The following RNF216 variants were observed in gnomAD, a reference collection of about 807,000 sequenced individuals.
The protein encoded by RNF216 is E3 ubiquitin-protein ligase RNF216.
RNF216 carries 72 observed loss-of-function variants against 110.8 expected under a neutral mutation model. The observed-to-expected ratio is 0.65, with a 90% CI of 0.54 to 0.79. The LOEUF (loss-of-function observed/expected upper bound fraction) is 0.79. Ranked by LOEUF, RNF216 falls within the 30% of genes least tolerant of loss-of-function variation. The pLI is 0.00. For missense variants in RNF216, 1,342 were observed against 1,141.2 expected, an observed-to-expected ratio of 1.18 and a Z score of -2.54; for synonymous variants, 495 against 407.5, an observed-to-expected ratio of 1.21 and a Z score of -2.59.
chr7:5,687,459 G>A (rs760409877), intron 13 of RNF216, among the ~76,000 whole-genome samples: 1 of 151,288 alleles, frequency 6.6e-6, no homozygotes, highest in Non-Finnish European at 1.5e-5. Flanking sequence ...GGGACATGAT[G>A]TGGGATTTTC....
At chr7:5,725,526 A>T in intron 7 of RNF216, 88 bp from the exon 8 acceptor site, 1 of 782,836 alleles carries the variant, frequency 1.3e-6, no homozygotes, top group Non-Finnish European at 2.2e-6. Context: ...ATTTTAACAC[A>T]GTTTCAGCTG....
chr7:5,681,101 C>T (rs139288957), intron 13 of RNF216, among the ~76,000 whole-genome samples: 237 of 152,246 alleles, frequency 1.6e-3, no homozygotes, highest in African/African-American at 5.5e-3. Flanking sequence ...AACAGCTTGT[C>T]CCTGGCTCTT....
intron 13 of RNF216, among the ~76,000 whole-genome samples, chr7:5,706,959 T>C (rs954822003): frequency 2.6e-5 from 4 of 152,236 alleles, no homozygotes; most frequent in African/African-American, 9.6e-5. Context: ...TGATATGAGA[T>C]ATGGTATCAG....
Position 5,725,356 on chromosome 7 carries a change from T to C in RNF216, c.1472A>G (p.Gln491Arg), listed in dbSNP as rs1368916173. The C allele has an allele frequency of 1.2e-6, 2 of 1,612,208 alleles. No individual in the cohort carries two copies. The highest frequency in any genetic ancestry group is 1.1e-5 in the South Asian group (1 of 91,044). The change falls in exon 8 of 17, where the codon CAG becomes CGG. Residue 491 changes from glutamine (Q) to arginine (R), a missense_variant. Gln to Arg is a conservative substitution (Grantham distance 43, BLOSUM62 1). Coordinates refer to ENST00000389902, the MANE Select transcript of RNF216 (RefSeq NM_207111.4). ...AAACTTGAAATCAATGTAAGAATAC[T>C]GGTTCATTTGTTTTCTCTTCTTCCT... ...GKRKKRKQMN[Q>R]YSYIDFKFEQ...
At chr7:5,675,135 G>A (rs569116355) in intron 13 of RNF216, among the ~76,000 whole-genome samples, 1 of 152,272 alleles carries the variant, frequency 6.6e-6, no homozygotes, top group African/African-American at 2.4e-5. Flanking sequence ...TTAAATAATG[G>A]CAGGGAACAA....
At chr7:5,643,878 T>C (rs1162371571) in intron 14 of RNF216, among the ~76,000 whole-genome samples, 3 of 152,316 alleles carry the variant, frequency 2.0e-5, no homozygotes, top group South Asian at 2.1e-4. Flanking sequence ...TTTTGGGCTC[T>C]ACAGATTGCC....
At chr7:5,715,854 G>A (rs556672919) in intron 10 of RNF216, among the ~76,000 whole-genome samples, 62 of 149,010 alleles carry the variant, frequency 4.2e-4, no homozygotes, top group African/African-American at 1.5e-3. Context: ...CGATTCTCCT[G>A]CTTCAGCCTC....
chr7:5,773,690 C>T (rs953643940), intron 1 of RNF216, among the ~76,000 whole-genome samples: 1 of 151,918 alleles, frequency 6.6e-6, no homozygotes, highest in African/African-American at 2.4e-5. Flanking sequence ...GCCTCAGCCT[C>T]CCTGAGTAGC....
rs372711319 is a variant in RNF216 at position 5,730,687 on chromosome 7, G to A, written c.1224+28C>T. ...ACAAAGCACAGCATTTCCAGGCAGT[G>A]ACTGCAAAACATGAACATGACACTT... On this transcript the variant is annotated intron_variant, in intron 6 of 16. Transcript: ENST00000389902. 46 of 1,597,564 alleles carry A rather than the reference G, an allele frequency of 2.9e-5. No individual in the cohort carries two copies. In the African/African-American group the frequency reaches 5.2e-4, roughly 18 times the overall value.
chr7:5,706,884 G>A (rs59495898), intron 13 of RNF216, among the ~76,000 whole-genome samples: 1 of 152,246 alleles, frequency 6.6e-6, no homozygotes, highest in East Asian at 1.9e-4. Flanking sequence ...TTTTCTTCTA[G>A]TTTTTATAGT....
At chr7:5,660,632 T>C (rs985112812) in intron 13 of RNF216, among the ~76,000 whole-genome samples, 2 of 150,482 alleles carry the variant, frequency 1.3e-5, no homozygotes, top group South Asian at 2.1e-4. Context: ...GGTTGGAGTG[T>C]AGTGGCACAA....
intron 1 of RNF216, among the ~76,000 whole-genome samples, chr7:5,763,589 T>C (rs1796042100): frequency 6.6e-6 from 1 of 152,000 alleles, no homozygotes. Context: ...TTATTTCTTT[T>C]TGAGCCAGTC....
At chr7:5,661,631 C>T (rs1387903109) in intron 13 of RNF216, among the ~76,000 whole-genome samples, 1 of 152,044 alleles carries the variant, frequency 6.6e-6, no homozygotes, top group African/African-American at 2.4e-5. Context: ...GGTGACATCT[C>T]GTCTCTACAA....
chr7:5,711,361 C>A (rs755046862), intron 13 of RNF216, among the ~76,000 whole-genome samples: 1 of 152,094 alleles, frequency 6.6e-6, no homozygotes, highest in Non-Finnish European at 1.5e-5. Context: ...AAAGAAGCGT[C>A]GTTTGGACTT....
chr7:5,656,665 T>A (rs1788766271), intron 13 of RNF216, among the ~76,000 whole-genome samples: 2 of 152,220 alleles, frequency 1.3e-5, no homozygotes, highest in Non-Finnish European at 2.9e-5. Context: ...TATGATGCCC[T>A]TTTGTCCTCA....
intron 15 of RNF216, among the ~76,000 whole-genome samples, chr7:5,634,085 C>T (rs750313790): frequency 3.9e-5 from 6 of 152,248 alleles, no homozygotes; most frequent in South Asian, 4.1e-4. Context: ...ACCATTTGAG[C>T]GCTTGGCACA....
At chr7:5,728,269 C>G (rs1793878915) in intron 7 of RNF216, among the ~76,000 whole-genome samples, 1 of 152,068 alleles carries the variant, frequency 6.6e-6, no homozygotes, top group African/African-American at 2.4e-5. Flanking sequence ...TTTCAAAGCC[C>G]CTCTATTTTT....
At chr7:5,709,072 A>G (rs968838287) in intron 13 of RNF216, among the ~76,000 whole-genome samples, 33 of 152,246 alleles carry the variant, frequency 2.2e-4, no homozygotes, top group African/African-American at 7.7e-4. Context: ...CAGAAAACCT[A>G]GAATGCTGGA....
In RNF216 at chr7:5,715,200, G is replaced by C. The variant is rs765988212; in HGVS notation, c.1696-10C>G. On this transcript the variant is annotated splice_polypyrimidine_tract_variant and intron_variant, in intron 10 of 16. Transcript: ENST00000389902. ...CAATCAGCTGGCCATCCTGCAGGCAGTCAAGAAACACACATGAAATGTCCT... is the reference window on the plus strand; with the variant it reads ...CAATCAGCTGGCCATCCTGCAGGCACTCAAGAAACACACATGAAATGTCCT... 6 of 1,611,478 alleles carry C rather than the reference G, an allele frequency of 3.7e-6. No individual in the cohort carries two copies. The South Asian group carries it at 5.5e-5, about 15-fold the overall frequency.
Sources: gnomAD v4.1 joint callset for allele counts (sites outside exome capture counted in the v4.1 genomes callset) on GRCh38, gnomAD v4.1.1 for gene constraint, MANE v1.5 for transcripts, NCBI Gene and HGNC (gene_info 2026-07-23, HGNC 2026-07-21) for gene names.